SLCO1B3: variants seen among roughly 807,000 people sequenced by gnomAD.
SLCO1B3 encodes the protein solute carrier organic anion transporter family member 1B3.
Under a neutral mutation model 71.8 loss-of-function variants are expected in SLCO1B3, and 72 were observed. The observed-to-expected ratio is 1.00, with a 90% confidence interval of 0.83 to 1.22. The LOEUF is 1.22. Ranked by LOEUF, SLCO1B3 falls within the 50% of genes most tolerant of loss-of-function variation. The pLI, the probability that SLCO1B3 is intolerant of heterozygous loss-of-function variation, is 0.00. For synonymous variants in SLCO1B3, 298 were observed against 278.4 expected, an observed-to-expected ratio of 1.07 and a Z score of -0.70; for missense variants, 911 against 819.7, an observed-to-expected ratio of 1.11 and a Z score of -1.36.
At chr12:20,849,044 G>A (rs1000694560) in intron 3 of SLCO1B3, among the ~76,000 whole-genome samples, 6 of 151,926 alleles carry the variant, frequency 3.9e-5, no homozygotes, top group African/African-American at 1.4e-4. Flanking sequence ...CATAATAGTA[G>A]GGGAAACTGT....
chr12:20,832,498 TA>T (rs11305410), intron 3 of SLCO1B3, among the ~76,000 whole-genome samples: 28,086 of 149,946 alleles, frequency 0.19, 2,878 homozygotes, highest in African/African-American at 0.28. Flanking sequence ...TAATGATTAT[TA>T]AAAAAAAAAT....
intron 5 of SLCO1B3, 172 bp downstream of exon 5, chr12:20,858,743 A>G (rs1482282636): frequency 1.4e-5 from 6 of 427,046 alleles, no homozygotes; most frequent in East Asian, 7.4e-5. Context: ...TGCTTTATTC[A>G]TCATGTATTT....
At chr12:20,812,552 T>C (rs547036589) in intron 1 of SLCO1B3, among the ~76,000 whole-genome samples, 1 of 152,328 alleles carries the variant, frequency 6.6e-6, no homozygotes, top group East Asian at 1.9e-4. Context: ...AGTGGTTCCA[T>C]ACATCTGCAA....
At position 20,834,527 on chromosome 12, in the gene SLCO1B3, A is replaced by T. The variant is rs191191957; in HGVS notation, c.84+18705A>T. On this transcript the variant is annotated intron_variant, in intron 3 of 15. Coordinates refer to ENST00000381545, the MANE Select transcript of SLCO1B3 (RefSeq NM_019844.4). Reference sequence around the variant, plus strand: ...TAACATATGTATTTATCCTATATTTATATATAATATATATGTAATTTATTT... The same window carrying T: ...TAACATATGTATTTATCCTATATTTTTATATAATATATATGTAATTTATTT... 7.8e-3 allele frequency among the ~76,000 whole-genome samples: 1,163 copies of T among 148,202 alleles called. 13 individuals are homozygous for T. Among genetic ancestry groups the T allele is most frequent in the African/African-American group, 0.027 (1,115 of 40,784 alleles).
chr12:20,848,801 T>C (rs1864964970), intron 3 of SLCO1B3, among the ~76,000 whole-genome samples: 2 of 152,048 alleles, frequency 1.3e-5, no homozygotes, highest in Non-Finnish European at 2.9e-5. Context: ...AAGAAAGGAA[T>C]GTGTTCAGTA....
intron 6 of SLCO1B3, 37 bp from the exon 7 acceptor site, chr12:20,862,375 T>A (rs1293444381): frequency 1.9e-6 from 3 of 1,555,564 alleles, no homozygotes; most frequent in Non-Finnish European, 2.6e-6. Context: ...AATGTTAAAA[T>A]TAATGTTTAA....
chr12:20,888,954 C>CTT, intron 13 of SLCO1B3, among the ~76,000 whole-genome samples: 1 of 152,034 alleles, frequency 6.6e-6, no homozygotes, highest in Admixed American at 6.6e-5. Context: ...TTATCATACG[C>CTT]TTTTTGAAAA....
At chr12:20,850,255 A>T (rs948482069) in intron 3 of SLCO1B3, among the ~76,000 whole-genome samples, 30 of 124,402 alleles carry the variant, frequency 2.4e-4, no homozygotes, top group Admixed American at 3.3e-4. Flanking sequence ...TATTATTATT[A>T]TTTTATTTAT....
intron 3 of SLCO1B3, among the ~76,000 whole-genome samples, chr12:20,844,328 A>G (rs2121183945): frequency 6.6e-6 from 1 of 152,084 alleles, no homozygotes; most frequent in East Asian, 1.9e-4. Flanking sequence ...GCACTTTGGA[A>G]GGCTGAGGTG....
intron 1 of SLCO1B3, among the ~76,000 whole-genome samples, chr12:20,812,614 C>G (rs992725471): frequency 3.3e-5 from 5 of 152,108 alleles, no homozygotes; most frequent in Non-Finnish European, 7.4e-5. Context: ...TTCATTTAGG[C>G]TGTGAAGACC....
chr12:20,861,787 A>G (rs1238078583), intron 6 of SLCO1B3, among the ~76,000 whole-genome samples: 6 of 152,138 alleles, frequency 3.9e-5, no homozygotes, highest in Non-Finnish European at 5.9e-5. Flanking sequence ...CTGGGAGAGT[A>G]TAAATTTCAA....
intron 3 of SLCO1B3, among the ~76,000 whole-genome samples, chr12:20,843,403 A>G (rs564926338): frequency 3.6e-4 from 55 of 152,280 alleles, no homozygotes; most frequent in African/African-American, 1.3e-3. Flanking sequence ...GAGACCTTAT[A>G]TGCTCAATAA....
chr12:20,836,646 TG>T (rs1864685914), intron 3 of SLCO1B3, among the ~76,000 whole-genome samples: 1 of 152,124 alleles, frequency 6.6e-6, no homozygotes, highest in African/African-American at 2.4e-5. Context: ...TTTTTTGTTT[TG>T]TTTTGTTTTT....
chr12:20,831,356 CAAAAAAAAAAAA>C (rs35410136), intron 3 of SLCO1B3, among the ~76,000 whole-genome samples: 1 of 91,212 alleles, frequency 1.1e-5, no homozygotes, highest in African/African-American at 4.7e-5. Context: ...GACGCCATAT[CAAAAAAAAAAAA>C]AAAAAAAAAA....
chr12:20,833,148 A>G (rs999599359), intron 3 of SLCO1B3, among the ~76,000 whole-genome samples: 2 of 152,162 alleles, frequency 1.3e-5, no homozygotes, highest in Admixed American at 6.6e-5. Flanking sequence ...TCCACGTCAC[A>G]TGGATGCTTC....
At chr12:20,890,698 T>G (rs1433551778) in intron 13 of SLCO1B3, among the ~76,000 whole-genome samples, 4 of 152,206 alleles carry the variant, frequency 2.6e-5, no homozygotes, top group African/African-American at 9.6e-5. Flanking sequence ...ATTGGGGTGC[T>G]CCAATGTTGG....
chr12:20,863,671 A>G (rs191497050), intron 8 of SLCO1B3, among the ~76,000 whole-genome samples: 4 of 152,222 alleles, frequency 2.6e-5, no homozygotes, highest in African/African-American at 7.2e-5. Context: ...AGTCTCTCCC[A>G]TCTATGTACA....
intron 3 of SLCO1B3, among the ~76,000 whole-genome samples, chr12:20,820,999 G>C (rs1864292523): frequency 6.6e-6 from 1 of 152,122 alleles, no homozygotes; most frequent in Admixed American, 6.5e-5. Flanking sequence ...AAAGTTTATA[G>C]GGTGGAGGAG....
chr12:20,884,903 T>C (rs916423802), intron 13 of SLCO1B3, among the ~76,000 whole-genome samples: 4 of 152,100 alleles, frequency 2.6e-5, no homozygotes, highest in African/African-American at 9.7e-5. Flanking sequence ...ACCATAAATA[T>C]TCCACAAGTA....
Sources: allele counts gnomAD v4.1 joint callset (sites outside exome capture counted in the v4.1 genomes callset), GRCh38; gene constraint gnomAD v4.1.1; transcripts MANE v1.5; gene names NCBI Gene and HGNC (gene_info 2026-07-23, HGNC 2026-07-21).